The following KAT6B variants were observed in gnomAD, a reference collection of about 807,000 sequenced individuals.
KAT6B encodes histone acetyltransferase KAT6B.
A neutral mutation model predicts 187.5 loss-of-function variants in KAT6B; 10 were observed. The observed-to-expected ratio is 0.05, with a 90% CI of 0.03 to 0.09. The LOEUF (loss-of-function observed/expected upper bound fraction) is 0.09. Among genes scored for constraint, KAT6B ranks in the 10% least tolerant of loss-of-function variants. The pLI is 1.00. For missense variants in KAT6B, 1,952 were observed against 2,558.9 expected (o/e 0.76, Z 5.12); for synonymous variants, 861 against 926.8 (o/e 0.93, Z 1.29).
chr10:74,952,475 C>T (rs1271922084), intron 3 of KAT6B, among the ~76,000 whole-genome samples: 1 of 152,036 alleles, frequency 6.6e-6, no homozygotes, highest in Non-Finnish European at 1.5e-5. Flanking sequence ...GAGGGACAAA[C>T]CATGGGGAAA....
At chr10:74,893,560 C>G (rs778672981) in intron 3 of KAT6B, among the ~76,000 whole-genome samples, 1 of 151,718 alleles carries the variant, frequency 6.6e-6, no homozygotes, top group Non-Finnish European at 1.5e-5. Flanking sequence ...ACCTCCATCT[C>G]TGGGGTTCAA....
intron 3 of KAT6B, among the ~76,000 whole-genome samples, chr10:74,874,822 GTGTGTGTGTA>G (rs972561498): frequency 3.3e-5 from 5 of 151,972 alleles, no homozygotes; most frequent in African/African-American, 1.2e-4. Context: ...TGGGGTGTGT[GTGTGTGTGTA>G]TGTGTGTGTG....
chr10:74,841,538 C>T (rs1589449642), intron 2 of KAT6B, among the ~76,000 whole-genome samples: 2 of 151,688 alleles, frequency 1.3e-5, no homozygotes, highest in East Asian at 1.9e-4. Flanking sequence ...GCACTCCAGC[C>T]TGGGTGACAG....
At chr10:74,945,510 C>G (rs1250491654) in intron 3 of KAT6B, among the ~76,000 whole-genome samples, 1 of 152,204 alleles carries the variant, frequency 6.6e-6, no homozygotes, top group Non-Finnish European at 1.5e-5. Context: ...GTCATCCAGG[C>G]TGGAGTGCAG....
Position 75,028,553 on chromosome 10 carries a change from G to T in KAT6B, c.3729G>T (p.Lys1243Asn), listed in dbSNP as rs550048327. 4 of 1,614,142 alleles carry T rather than the reference G, an allele frequency of 2.5e-6. No homozygotes were observed. Among genetic ancestry groups the T allele is most frequent in the Non-Finnish European group, 3.4e-6 (4 of 1,180,046 alleles). Reference protein sequence around the residue: ...EGSKDNPEPLKCKQVWPKGTK... With the variant: ...EGSKDNPEPLNCKQVWPKGTK... ...GTAAAGACAATCCCGAACCTCTAAA[G>T]TGCAAACAAGTGTGGCCAAAAGGAA... is the stretch of plus-strand genomic sequence containing the variant. Residue 1243 changes from lysine (K) to asparagine (N), a missense_variant, in exon 18 of 18, where the codon AAG becomes AAT. Around this residue, in one of 9 missense-constraint regions of KAT6B, gnomAD observed 758 missense variants for 891.4 expected, o/e 0.85. Coordinates refer to ENST00000287239, the MANE Select transcript of KAT6B (RefSeq NM_012330.4).
rs1198969374 is a variant in KAT6B, at chr10:74,830,731, CATATATATATATATATATATATAT to C, written c.-329+3961_-329+3984del. ...TTAGTAATCAGATTGCACAGCTCTT[CATATATATATATATATATATATAT>C]ATATATATATATATTTTTTTTTTTT... On this transcript the variant is annotated intron_variant, in intron 1 of 17. Transcript: ENST00000287239. 1.0e-3 allele frequency among the ~76,000 whole-genome samples: 18 copies of C among 17,208 alleles called. No individual in the cohort carries two copies. The East Asian group carries it at 0.018, about 17-fold the overall frequency. The allele number at this position is 17,208 out of a possible 152,430, so 11.3% of individuals were successfully genotyped here.
rs757121198 is a variant in KAT6B at position 75,030,335 on chromosome 10, C to T, written c.5511C>T (p.Ser1837=). 22 of 1,614,084 alleles carry T rather than the reference C, an allele frequency of 1.4e-5. No homozygotes were observed. The highest frequency in any genetic ancestry group is 1.7e-5 in the Admixed American group (1 of 60,004). ...LIDHSLPYSH[S]AAVTSYANSA... ...ATCATTCATTGCCTTACAGCCATTC[C>T]GCTGCTGTGACTTCCTATGCAAACA... is the stretch of plus-strand genomic sequence containing the variant. Residue 1837 remains serine, a synonymous_variant, in exon 18 of 18, where the codon TCC becomes TCT. Transcript: ENST00000287239. The surrounding 1 kb of genome is among the most constrained non-coding windows in gnomAD (Gnocchi z 4.8).
In KAT6B at chr10:74,862,507, A is replaced by G. The variant is rs369027612; in HGVS notation, c.621+19029A>G. Among the ~76,000 whole-genome samples, 9 of 152,338 alleles carry G rather than the reference A, an allele frequency of 5.9e-5. No homozygotes were observed. The East Asian group carries it at 1.3e-3, about 23-fold the overall frequency. ...AAAAATGTTGGAGTGGGAGTCAGGC[A>G]TTAGAACTTTTTGAAGTTTCCTTGT... On this transcript the variant is annotated intron_variant, in intron 3 of 17. Transcript: ENST00000287239.
intron 3 of KAT6B, among the ~76,000 whole-genome samples, chr10:74,893,720 T>C (rs1189393867): frequency 6.6e-6 from 1 of 152,178 alleles, no homozygotes; most frequent in Non-Finnish European, 1.5e-5. Context: ...TCTGCCCACC[T>C]CAGCCTCCCA....
intron 3 of KAT6B, among the ~76,000 whole-genome samples, chr10:74,881,564 T>A (rs539082900): frequency 1.3e-5 from 2 of 152,352 alleles, no homozygotes; most frequent in East Asian, 3.9e-4. Context: ...TTTGAGTGAT[T>A]ATACTGAAAA....
chr10:74,865,988 G>A (rs1039864403), intron 3 of KAT6B, among the ~76,000 whole-genome samples: 1 of 152,026 alleles, frequency 6.6e-6, no homozygotes, highest in Non-Finnish European at 1.5e-5. Flanking sequence ...AGTATTCATG[G>A]ATGCAAAATG....
intron 3 of KAT6B, 76 bp from the exon 4 acceptor site, chr10:74,959,894 A>G: frequency 1.0e-6 from 1 of 996,826 alleles, no homozygotes; most frequent in Non-Finnish European, 1.6e-6. Flanking sequence ...TGAAAAATGT[A>G]AAAAGCTTTT....
intron 11 of KAT6B, chr10:74,982,710 A>G (rs1179697753): frequency 2.0e-5 from 3 of 152,278 alleles, no homozygotes; most frequent in African/African-American, 7.3e-5. Context: ...CCACTTGCAC[A>G]CTTCTGTTGT....
rs193297619 is a variant in KAT6B at position 74,886,071 on chromosome 10, T to G, written c.621+42593T>G. On this transcript the variant is annotated intron_variant, in intron 3 of 17. Coordinates refer to ENST00000287239, the MANE Select transcript of KAT6B (RefSeq NM_012330.4). ...TAAGGGAGTAGCTTAGAGCACAGAA[T>G]GCCAACTGGGTTATCATCAGGCTGT... Among the ~76,000 whole-genome samples the G allele has an allele frequency of 4.4e-3, 676 of 152,284 alleles. 3 individuals carry two copies. The highest frequency in any genetic ancestry group is 0.034 in the Middle Eastern group (10 of 294).
chr10:74,975,196 A>C (rs567553372), intron 7 of KAT6B, among the ~76,000 whole-genome samples: 1 of 152,070 alleles, frequency 6.6e-6, no homozygotes, highest in African/African-American at 2.4e-5. Flanking sequence ...TACCTGGTGG[A>C]TGGGCCCTGG....
At chr10:74,882,480 T>A (rs982130782) in intron 3 of KAT6B, among the ~76,000 whole-genome samples, 1 of 152,242 alleles carries the variant, frequency 6.6e-6, no homozygotes, top group Admixed American at 6.5e-5. Context: ...AAAGGTATTA[T>A]TGTGTATGAG....
At chr10:74,900,698 G>A (rs140345854) in intron 3 of KAT6B, among the ~76,000 whole-genome samples, 1 of 152,230 alleles carries the variant, frequency 6.6e-6, no homozygotes, top group Non-Finnish European at 1.5e-5. Context: ...ATGAAAGGGG[G>A]TGATATACCA....
chr10:74,840,801 G>A (rs1411172455), intron 2 of KAT6B, among the ~76,000 whole-genome samples: 1 of 152,074 alleles, frequency 6.6e-6, no homozygotes, highest in African/African-American at 2.4e-5. Flanking sequence ...ATTTTGGGTT[G>A]GCATTTAAAA....
intron 3 of KAT6B, among the ~76,000 whole-genome samples, chr10:74,904,788 C>G (rs1406540889): frequency 1.3e-5 from 2 of 152,242 alleles, no homozygotes; most frequent in Admixed American, 6.5e-5. Context: ...TGAACTTAAT[C>G]ACACCTTTAT....
Sources: gnomAD v4.1 joint callset for allele counts (sites outside exome capture counted in the v4.1 genomes callset) on GRCh38, gnomAD v4.1.1 for gene constraint, gnomAD v4.1.1 regional missense constraint, Gnocchi (gnomAD v3.1) non-coding constraint, MANE v1.5 for transcripts, NCBI Gene and HGNC (gene_info 2026-07-23, HGNC 2026-07-21) for gene names.